Variants in FNDC3B observed in about 807,000 individuals in gnomAD.
FNDC3B encodes fibronectin type III domain-containing protein 3B.
FNDC3B carries 12 observed loss-of-function variants against 151.5 expected under a neutral mutation model. That is an observed-to-expected ratio of 0.08 (90% CI 0.05 to 0.13). The LOEUF (loss-of-function observed/expected upper bound fraction) is 0.13, where lower values mean the gene tolerates loss of function less well. FNDC3B is among the 10% of genes least tolerant of loss of function. The pLI is 1.00. For synonymous variants in FNDC3B, 528 were observed against 549.0 expected (o/e 0.96, Z 0.54); for missense variants, 1,214 against 1,505.3 (o/e 0.81, Z 3.20).
chr3:172,340,278 AT>A (rs1395356384), intron 16 of FNDC3B, among the ~76,000 whole-genome samples: 17 of 117,494 alleles, frequency 1.4e-4, no homozygotes, highest in African/African-American at 5.6e-4. Flanking sequence ...CCCCGTAGGC[AT>A]TTTTGTCTTT....
intron 1 of FNDC3B, among the ~76,000 whole-genome samples, chr3:172,068,304 C>T (rs1563436): frequency 0.48 from 72,400 of 151,964 alleles, 19,271 homozygotes; most frequent in East Asian, 0.58. Context: ...TGGACTGGCT[C>T]GACCATGGCT....
intron 3 of FNDC3B, among the ~76,000 whole-genome samples, chr3:172,185,317 A>G (rs1450096971): frequency 6.6e-6 from 1 of 152,156 alleles, no homozygotes; most frequent in African/African-American, 2.4e-5. Flanking sequence ...TCTTCTTCCC[A>G]CTGTACCCAT....
intron 3 of FNDC3B, 42 bp from the exon 4 acceptor site, chr3:172,226,829 G>A (rs776033824): frequency 9.5e-6 from 11 of 1,155,466 alleles, no homozygotes; most frequent in Non-Finnish European, 1.3e-5. Context: ...TTTGAATAAT[G>A]TATGTTTCTT....
At chr3:172,041,937 T>C (rs1430395166) in intron 1 of FNDC3B, among the ~76,000 whole-genome samples, 1 of 152,148 alleles carries the variant, frequency 6.6e-6, no homozygotes, top group East Asian at 1.9e-4. Context: ...GGTACAATTC[T>C]CACTTTGTTT....
intron 25 of FNDC3B, among the ~76,000 whole-genome samples, chr3:172,391,326 T>C (rs1184108448): frequency 6.6e-6 from 1 of 152,112 alleles, no homozygotes; most frequent in African/African-American, 2.4e-5. Flanking sequence ...TCCTTTGGAG[T>C]AGTGTTACTA....
At chr3:172,136,942 G>C (rs182690762) in intron 3 of FNDC3B, among the ~76,000 whole-genome samples, 1 of 152,096 alleles carries the variant, frequency 6.6e-6, no homozygotes, top group Non-Finnish European at 1.5e-5. Flanking sequence ...GGATGGTCTC[G>C]ATCTCCTGAC....
chr3:172,209,571 G>T (rs1168746788), intron 3 of FNDC3B, among the ~76,000 whole-genome samples: 1 of 152,202 alleles, frequency 6.6e-6, no homozygotes, highest in Non-Finnish European at 1.5e-5. Flanking sequence ...GTGCTGATTG[G>T]TCCATGGGCG....
At chr3:172,350,740 C>A (rs1043787794) in intron 21 of FNDC3B, among the ~76,000 whole-genome samples, 9 of 152,082 alleles carry the variant, frequency 5.9e-5, no homozygotes, top group Non-Finnish European at 1.2e-4. Flanking sequence ...GTGGTTCCAG[C>A]TACTCAGGAG....
chr3:172,151,762 A>G (rs891454531), intron 3 of FNDC3B, among the ~76,000 whole-genome samples: 2 of 152,214 alleles, frequency 1.3e-5, no homozygotes, highest in African/African-American at 4.8e-5. Context: ...TGGAAACTGT[A>G]AGTGAAACAT....
intron 2 of FNDC3B, among the ~76,000 whole-genome samples, chr3:172,130,055 C>T (rs896580826): frequency 6.6e-6 from 1 of 151,986 alleles, no homozygotes. Flanking sequence ...AGGTTAAGTG[C>T]CGGGAGTTGG....
intron 15 of FNDC3B, among the ~76,000 whole-genome samples, chr3:172,336,726 C>T (rs937725336): frequency 4.6e-5 from 7 of 151,644 alleles, no homozygotes; most frequent in Non-Finnish European, 1.0e-4. Context: ...CGTGGTGAAA[C>T]CCTGTCTCTA....
At chr3:172,154,888 C>T (rs556948198) in intron 3 of FNDC3B, among the ~76,000 whole-genome samples, 12 of 151,996 alleles carry the variant, frequency 7.9e-5, no homozygotes, top group African/African-American at 2.7e-4. Context: ...TCCCACCCTG[C>T]GTGGGAACAA....
chr3:172,239,604 C>G lies in FNDC3B; in HGVS notation c.265-7929C>G, dbSNP rs558846038. 3.9e-5 allele frequency among the ~76,000 whole-genome samples: 6 copies of G among 152,022 alleles called. No individual in the cohort carries two copies. In the East Asian group the frequency reaches 1.2e-3, roughly 29 times the overall value. ...GATCATCCTGGGCCATCTGGGGAAG[C>G]CTTTTTAATTTTTTCTTTTGCCTCC... On this transcript the variant is annotated intron_variant, in intron 4 of 25. Coordinates refer to ENST00000415807, the MANE Select transcript of FNDC3B (RefSeq NM_022763.4).
intron 2 of FNDC3B, among the ~76,000 whole-genome samples, chr3:172,114,968 T>C (rs1157243832): frequency 6.6e-6 from 1 of 152,244 alleles, no homozygotes; most frequent in Non-Finnish European, 1.5e-5. Flanking sequence ...AGCTATTACT[T>C]GGCATTAACT....
intron 1 of FNDC3B, among the ~76,000 whole-genome samples, chr3:172,107,176 A>G (rs1043449862): frequency 2.0e-5 from 3 of 152,158 alleles, no homozygotes; most frequent in African/African-American, 7.2e-5. Context: ...CTGGGTGTGA[A>G]GCACTTGCGG....
At position 172,176,151 on chromosome 3, in the gene FNDC3B, C is replaced by T. The variant is rs78606603; in HGVS notation, c.187+42605C>T. Among the ~76,000 whole-genome samples the T allele has an allele frequency of 3.0e-3, 455 of 152,256 alleles. 2 individuals carry two copies. The highest frequency in any genetic ancestry group is 0.011 in the African/African-American group (445 of 41,550). ...TTTCCTATAAACCAACTCTGAAGTA[C>T]GCATGCATTGATTGAATTAATAGAA... On this transcript the variant is annotated intron_variant, in intron 3 of 25. Transcript: ENST00000415807.
At chr3:172,382,180 G>A (rs150755978) in intron 25 of FNDC3B, among the ~76,000 whole-genome samples, 196 of 152,308 alleles carry the variant, frequency 1.3e-3, no homozygotes, top group African/African-American at 4.5e-3. Flanking sequence ...GGCGTGAAAT[G>A]GTATCTCATA....
intron 14 of FNDC3B, 52 bp downstream of exon 14, chr3:172,333,227 A>G (rs752064578): frequency 1.3e-5 from 15 of 1,125,556 alleles, no homozygotes; most frequent in South Asian, 2.5e-5. Flanking sequence ...ACTGTTTTCT[A>G]TTTCACCATT....
chr3:172,226,376 C>T (rs1381881805), intron 3 of FNDC3B, among the ~76,000 whole-genome samples: 1 of 150,952 alleles, frequency 6.6e-6, no homozygotes, highest in African/African-American at 2.4e-5. Flanking sequence ...TTAAGGATTT[C>T]TTCTATTTCA....
Sources: gnomAD v4.1 joint callset for allele counts (sites outside exome capture counted in the v4.1 genomes callset) on GRCh38, gnomAD v4.1.1 for gene constraint, MANE v1.5 for transcripts, NCBI Gene and HGNC (gene_info 2026-07-23, HGNC 2026-07-21) for gene names.